The following SHROOM3 variants were observed in gnomAD, a reference collection of about 807,000 sequenced individuals.
SHROOM3 encodes shroom family member 3.
SHROOM3 carries 47 observed loss-of-function variants against 138.6 expected under a neutral mutation model. The ratio of observed to expected loss-of-function variants is 0.34; its 90% CI spans 0.27 to 0.43. The LOEUF is 0.43. Ranked by LOEUF, SHROOM3 falls within the 20% of genes least tolerant of loss-of-function variation. The pLI is 1.00. For synonymous variants in SHROOM3, 1,062 were observed against 1,063.3 expected (o/e 1.00, Z 0.02); for missense variants, 2,491 against 2,596.5 (o/e 0.96, Z 0.88).
intron 2 of SHROOM3, among the ~76,000 whole-genome samples, chr4:76,625,024 A>T (rs1442001120): frequency 1.3e-5 from 2 of 152,324 alleles, no homozygotes; most frequent in Admixed American, 6.5e-5. Flanking sequence ...TGGTAATTCA[A>T]GTACCCTTGA....
Position 76,600,909 on chromosome 4 carries a change from ATC to A in SHROOM3, c.323+45147_323+45148del, listed in dbSNP as rs757680200. Among the ~76,000 whole-genome samples the A allele has an allele frequency of 8.1e-4, 123 of 152,352 alleles. 1 individual carries two copies. The highest frequency in any genetic ancestry group is 3.4e-3 in the Middle Eastern group (1 of 294). ...TATTACTGGTTTTGATTGCCACTGA[ATC>A]CTCATGAAGCAACCACAAAAATCAA... On this transcript the variant is annotated intron_variant, in intron 2 of 10. Coordinates refer to ENST00000296043, the MANE Select transcript of SHROOM3 (RefSeq NM_020859.4).
intron 1 of SHROOM3, among the ~76,000 whole-genome samples, chr4:76,474,159 C>T (rs1396493747): frequency 6.6e-6 from 1 of 152,104 alleles, no homozygotes; most frequent in Non-Finnish European, 1.5e-5. Flanking sequence ...AACATTAAAA[C>T]GTTATGCTAT....
intron 2 of SHROOM3, among the ~76,000 whole-genome samples, chr4:76,562,878 T>C (rs1398475326): frequency 2.0e-5 from 3 of 152,240 alleles, no homozygotes; most frequent in South Asian, 4.1e-4. Flanking sequence ...GGGTTGAAAC[T>C]TTTCTAGAAC....
At chr4:76,731,075 C>T in intron 4 of SHROOM3, 140 bp downstream of exon 4, 1 of 1,165,134 alleles carries the variant, frequency 8.6e-7, no homozygotes, top group Non-Finnish European at 1.2e-6. Context: ...CTGCTTTTCT[C>T]ATCCTCTTAT....
intron 10 of SHROOM3, among the ~76,000 whole-genome samples, chr4:76,773,484 G>T (rs1441222204): frequency 6.6e-6 from 1 of 152,082 alleles, no homozygotes; most frequent in African/African-American, 2.4e-5. Context: ...GAAGGATTAA[G>T]GGGGAAACCA....
intron 1 of SHROOM3, among the ~76,000 whole-genome samples, chr4:76,529,985 T>A (rs1732797441): frequency 6.6e-6 from 1 of 152,242 alleles, no homozygotes; most frequent in Non-Finnish European, 1.5e-5. Flanking sequence ...CATGGTATGT[T>A]CAAGCTTTGC....
chr4:76,558,147 C>G lies in SHROOM3; in HGVS notation c.323+2384C>G, dbSNP rs1273122457. ...GCCTCTGGAAAGGGCTGCTCTGTTT[C>G]CTGCTATGAAGAATAATCATGGTGG... is the stretch of plus-strand genomic sequence containing the variant. On this transcript the variant is annotated intron_variant, in intron 2 of 10. Coordinates refer to ENST00000296043, the MANE Select transcript of SHROOM3 (RefSeq NM_020859.4). Among the ~76,000 whole-genome samples, 3 of 152,160 alleles carry G rather than the reference C, an allele frequency of 2.0e-5. No homozygotes were observed. The East Asian group carries it at 5.8e-4, about 29-fold the overall frequency.
At chr4:76,755,727 C>G (rs935214068) in intron 7 of SHROOM3, among the ~76,000 whole-genome samples, 1 of 152,106 alleles carries the variant, frequency 6.6e-6, no homozygotes, top group Non-Finnish European at 1.5e-5. Flanking sequence ...AGAAGAGAGA[C>G]TGGGATGTGA....
At chr4:76,752,184 T>C (rs1721646800) in intron 6 of SHROOM3, among the ~76,000 whole-genome samples, 1 of 152,198 alleles carries the variant, frequency 6.6e-6, no homozygotes, top group Admixed American at 6.5e-5. Flanking sequence ...TTACGTGAAG[T>C]GAAATATAAG....
At chr4:76,606,532 C>T (rs1349423474) in intron 2 of SHROOM3, among the ~76,000 whole-genome samples, 2 of 151,662 alleles carry the variant, frequency 1.3e-5, no homozygotes, top group Non-Finnish European at 2.9e-5. Context: ...AGTGAAACCC[C>T]ATCTCTACTA....
chr4:76,672,191 C>A (rs780351129), intron 2 of SHROOM3, among the ~76,000 whole-genome samples: 1 of 151,936 alleles, frequency 6.6e-6, no homozygotes, highest in Non-Finnish European at 1.5e-5. Context: ...CAAGATTTTC[C>A]GTTCTAATTC....
At chr4:76,693,194 C>A (rs1275679972) in intron 2 of SHROOM3, among the ~76,000 whole-genome samples, 1 of 151,942 alleles carries the variant, frequency 6.6e-6, no homozygotes, top group Admixed American at 6.6e-5. Context: ...AGTAAGAACT[C>A]AGTAAATGTC....
chr4:76,725,156 C>G (rs768744764), intron 3 of SHROOM3, among the ~76,000 whole-genome samples: 2 of 151,626 alleles, frequency 1.3e-5, no homozygotes, highest in African/African-American at 2.4e-5. Context: ...CCACCCCCAC[C>G]GCCAAAATCA....
In SHROOM3 at chr4:76,620,091, A is replaced by G. The variant is rs74380033; in HGVS notation, c.323+64328A>G. Among the ~76,000 whole-genome samples the G allele has an allele frequency of 5.3e-3, 714 of 135,276 alleles. 5 individuals carry two copies. Among genetic ancestry groups the G allele is most frequent in the South Asian group, 0.019 (82 of 4,230 alleles). The allele number at this position is 135,276 out of a possible 152,430, so 88.7% of individuals were successfully genotyped here. A position where few individuals can be genotyped will look rare whatever the true frequency, so the allele number is the denominator to read the frequency against. On this transcript the variant is annotated intron_variant, in intron 2 of 10. Transcript: ENST00000296043. ...ATCTCAAAAAAAAAAAAAAAAAAAAAAAGAAGAAAAGAAAAAGAAACAATA... is the reference window on the plus strand; with the variant it reads ...ATCTCAAAAAAAAAAAAAAAAAAAAGAAGAAGAAAAGAAAAAGAAACAATA...
chr4:76,668,547 G>A (rs1718784594), intron 2 of SHROOM3, among the ~76,000 whole-genome samples: 1 of 152,038 alleles, frequency 6.6e-6, no homozygotes, highest in Non-Finnish European at 1.5e-5. Flanking sequence ...CACTCCAGCT[G>A]GGGCGACAAC....
chr4:76,668,092 G>A (rs1718767317), intron 2 of SHROOM3, among the ~76,000 whole-genome samples: 1 of 151,650 alleles, frequency 6.6e-6, no homozygotes, highest in Non-Finnish European at 1.5e-5. Flanking sequence ...AGCTCCTGGT[G>A]CTGCTTGTGT....
chr4:76,512,290 G>A (rs1732353692), intron 1 of SHROOM3, among the ~76,000 whole-genome samples: 2 of 152,182 alleles, frequency 1.3e-5, no homozygotes, highest in African/African-American at 4.8e-5. Context: ...AATGGCATTG[G>A]GCTCATACCC....
At chr4:76,473,899 C>T (rs1365500873) in intron 1 of SHROOM3, among the ~76,000 whole-genome samples, 12 of 152,152 alleles carry the variant, frequency 7.9e-5, no homozygotes, top group Admixed American at 5.2e-4. Context: ...CTTTGGAAAA[C>T]GACTGGCTAT....
At chr4:76,571,514 T>C (rs1272520699) in intron 2 of SHROOM3, among the ~76,000 whole-genome samples, 1 of 152,212 alleles carries the variant, frequency 6.6e-6, no homozygotes, top group Non-Finnish European at 1.5e-5. Context: ...TCATTTGACA[T>C]TAGCAAGTTT....
Sources: gnomAD v4.1 joint callset for allele counts (sites outside exome capture counted in the v4.1 genomes callset) on GRCh38, gnomAD v4.1.1 for gene constraint, MANE v1.5 for transcripts, NCBI Gene and HGNC (gene_info 2026-07-23, HGNC 2026-07-21) for gene names.